Variants in CCNY observed in about 807,000 individuals in gnomAD.
The protein encoded by CCNY is cyclin Y, also known as cyclin-Y.
A neutral mutation model predicts 42.8 loss-of-function variants in CCNY; 19 were observed. The ratio of observed to expected loss-of-function variants is 0.44; its 90% CI spans 0.31 to 0.65. CCNY has a LOEUF of 0.65. Ranked by LOEUF, CCNY falls within the 30% of genes least tolerant of loss-of-function variation. The probability of loss-of-function intolerance (pLI) is 0.07; values close to 1 mark genes in which losing one functional copy is unlikely to be tolerated. For synonymous variants in CCNY, 165 were observed against 162.7 expected, an observed-to-expected ratio of 1.01 and a Z score of -0.11; for missense variants, 370 against 437.3, an observed-to-expected ratio of 0.85 and a Z score of 1.37.
At chr10:35,264,958 T>C (rs1234408245) in intron 3 of CCNY, among the ~76,000 whole-genome samples, 2 of 152,196 alleles carry the variant, frequency 1.3e-5, no homozygotes, top group Non-Finnish European at 2.9e-5. Flanking sequence ...GTGGTGTTTT[T>C]GTTTTTGTTT....
intron 1 of CCNY, among the ~76,000 whole-genome samples, chr10:35,424,719 A>C (rs753301543): frequency 1.3e-5 from 2 of 152,126 alleles, no homozygotes; most frequent in Non-Finnish European, 2.9e-5. Context: ...TGCAACTCCT[A>C]AGTCTAGCTG....
intron 1 of CCNY, among the ~76,000 whole-genome samples, chr10:35,361,124 TG>T (rs1375313379): frequency 6.6e-6 from 1 of 152,218 alleles, no homozygotes; most frequent in Non-Finnish European, 1.5e-5. Context: ...CCCAAAGTGC[TG>T]GGATTACAGG....
chr10:35,268,175 G>A (rs761047204), intron 3 of CCNY, among the ~76,000 whole-genome samples: 5 of 152,096 alleles, frequency 3.3e-5, no homozygotes, highest in Non-Finnish European at 7.3e-5. Context: ...GATTACAGGC[G>A]TGAGCCACTG....
chr10:35,504,332 A>C (rs1840172498), intron 3 of CCNY, among the ~76,000 whole-genome samples: 1 of 152,184 alleles, frequency 6.6e-6, no homozygotes, highest in Non-Finnish European at 1.5e-5. Flanking sequence ...AAAAGAGTGG[A>C]CTATGACCCA....
At chr10:35,469,142 A>G (rs781321424) in intron 1 of CCNY, among the ~76,000 whole-genome samples, 1 of 152,256 alleles carries the variant, frequency 6.6e-6, no homozygotes, top group Non-Finnish European at 1.5e-5. Context: ...TCAAAACCCA[A>G]GACCAGCTCA....
intron 4 of CCNY, 40 bp downstream of exon 4, chr10:35,516,663 T>TTC (rs1840435684): frequency 1.0e-5 from 2 of 198,466 alleles, no homozygotes; most frequent in African/African-American, 8.2e-5. Context: ...CTTCCTTCCT[T>TTC]TTTTTTTTTT....
chr10:35,563,008 C>A (rs1442314159), intron 8 of CCNY, among the ~76,000 whole-genome samples: 1 of 151,634 alleles, frequency 6.6e-6, no homozygotes, highest in African/African-American at 2.4e-5. Flanking sequence ...ATATTTCTTA[C>A]AACGTTTTAC....
chr10:35,433,182 C>CA (rs1234492949), intron 1 of CCNY, among the ~76,000 whole-genome samples: 4 of 152,184 alleles, frequency 2.6e-5, no homozygotes, highest in Non-Finnish European at 5.9e-5. Context: ...CCTGTCTCTA[C>CA]AAAAAATAAT....
At chr10:35,266,610 A>G (rs769801148) in intron 3 of CCNY, among the ~76,000 whole-genome samples, 3 of 152,186 alleles carry the variant, frequency 2.0e-5, no homozygotes, top group Non-Finnish European at 2.9e-5. Context: ...AACAGAATGT[A>G]ACAAGAGCCC....
chr10:35,290,412 T>C (rs1835400700), intron 3 of CCNY, among the ~76,000 whole-genome samples: 1 of 150,764 alleles, frequency 6.6e-6, no homozygotes, highest in Admixed American at 6.6e-5. Flanking sequence ...TGAGACTCTG[T>C]CTTAAAAAAA....
At chr10:35,420,015 A>G (rs1451793188) in intron 1 of CCNY, among the ~76,000 whole-genome samples, 1 of 149,082 alleles carries the variant, frequency 6.7e-6, no homozygotes, top group Non-Finnish European at 1.5e-5. Flanking sequence ...TTTTCTCTAC[A>G]TGAAAAGTTT....
chr10:35,298,881 T>C (rs1273552505), intron 3 of CCNY, among the ~76,000 whole-genome samples: 3 of 152,306 alleles, frequency 2.0e-5, no homozygotes, highest in South Asian at 2.1e-4. Context: ...TTGATGAATA[T>C]TTGGTTGGTT....
At chr10:35,491,358 A>C (rs1181600044) in intron 2 of CCNY, among the ~76,000 whole-genome samples, 1 of 152,236 alleles carries the variant, frequency 6.6e-6, no homozygotes, top group Non-Finnish European at 1.5e-5. Context: ...AGCCCTCAGC[A>C]ATGTCTGCTC....
intron 1 of CCNY, among the ~76,000 whole-genome samples, chr10:35,474,931 C>T (rs1839473452): frequency 6.6e-6 from 1 of 151,382 alleles, no homozygotes; most frequent in Non-Finnish European, 1.5e-5. Context: ...ACTAGAATAA[C>T]CAATACAGAG....
At chr10:35,274,774 T>G (rs1442249762) in intron 3 of CCNY, among the ~76,000 whole-genome samples, 5 of 152,078 alleles carry the variant, frequency 3.3e-5, no homozygotes, top group African/African-American at 9.7e-5. Context: ...CTTTTTTTTT[T>G]GGGAGGGATG....
chr10:35,492,839 G>A (rs1839927249), intron 2 of CCNY, among the ~76,000 whole-genome samples: 1 of 152,158 alleles, frequency 6.6e-6, no homozygotes, highest in African/African-American at 2.4e-5. Flanking sequence ...GTTAGAAAAC[G>A]ACACATCCAT....
At chr10:35,567,586 C>G (rs944862023) in intron 9 of CCNY, among the ~76,000 whole-genome samples, 1 of 152,234 alleles carries the variant, frequency 6.6e-6, no homozygotes, top group Admixed American at 6.5e-5. Flanking sequence ...CTGCCCATCC[C>G]AGGTGGGATG....
rs528502057 is a variant in CCNY, at chr10:35,327,570, T to A, written c.-9+76944T>A. The A allele has an allele frequency of 2.2e-4, 33 of 152,366 alleles. No homozygotes were observed. The East Asian group carries it at 2.9e-3, about 13-fold the overall frequency. 9.4% of individuals were successfully genotyped at this position (152,366 alleles called of 1,614,324 possible). A position where few individuals can be genotyped will look rare whatever the true frequency, so the allele number is the denominator to read the frequency against. On this transcript the variant is annotated intron_variant, in intron 3 of 11. Coordinates refer to the CCNY transcript ENST00000374706. Reference sequence around the variant, plus strand: ...CTGTTAGCAGGAGTAGATGTATTTTTACTTCCTGAGAAGTGCTTTCCTTCT... The same window carrying A: ...CTGTTAGCAGGAGTAGATGTATTTTAACTTCCTGAGAAGTGCTTTCCTTCT...
At chr10:35,303,111 C>T (rs1406925900) in intron 3 of CCNY, among the ~76,000 whole-genome samples, 2 of 152,012 alleles carry the variant, frequency 1.3e-5, no homozygotes, top group East Asian at 1.9e-4. Flanking sequence ...ATCACTTGAG[C>T]CCAGGGATTC....
Sources: allele counts gnomAD v4.1 joint callset (sites outside exome capture counted in the v4.1 genomes callset), GRCh38; gene constraint gnomAD v4.1.1; transcripts MANE v1.5; gene names NCBI Gene and HGNC (gene_info 2026-07-23, HGNC 2026-07-21).